SRD5A2: variants seen among roughly 807,000 people sequenced by gnomAD.
SRD5A2 encodes 3-oxo-5-alpha-steroid 4-dehydrogenase 2.
SRD5A2 carries 30 observed loss-of-function variants against 27.4 expected under a neutral mutation model. The ratio of observed to expected loss-of-function variants is 1.10; its 90% CI spans 0.82 to 1.49. SRD5A2 has a LOEUF of 1.49. Among genes scored for constraint, SRD5A2 ranks in the 40% most tolerant of loss-of-function variants. SRD5A2 has a pLI of 0.00. For synonymous variants in SRD5A2, 141 were observed against 133.6 expected (o/e 1.06, Z -0.38); for missense variants, 348 against 323.4 (o/e 1.08, Z -0.58).
At chr2:31,551,348 G>C (rs1176194912) in intron 1 of SRD5A2, among the ~76,000 whole-genome samples, 1 of 151,994 alleles carries the variant, frequency 6.6e-6, no homozygotes, top group South Asian at 2.1e-4. Context: ...ATTCTAAAAT[G>C]TACACATGCT....
chr2:31,543,319 T>A (rs1435811549), intron 1 of SRD5A2, among the ~76,000 whole-genome samples: 1 of 152,136 alleles, frequency 6.6e-6, no homozygotes, highest in African/African-American at 2.4e-5. Context: ...CAGGTTAAAA[T>A]GAAAGCATAC....
chr2:31,589,017 A>G, the SRD5A2 span, among the ~76,000 whole-genome samples: 2 of 152,168 alleles, frequency 1.3e-5, no homozygotes, highest in African/African-American at 4.8e-5. Flanking sequence ...TACTGTTGCA[A>G]ACTCTATGAG....
chr2:31,568,695 CCTGT>C (rs1316898545), intron 1 of SRD5A2, among the ~76,000 whole-genome samples: 3 of 152,194 alleles, frequency 2.0e-5, no homozygotes, highest in African/African-American at 7.2e-5. Context: ...CACCCAGGAG[CCTGT>C]CTGCCTCCTG....
intron 4 of SRD5A2, among the ~76,000 whole-genome samples, chr2:31,526,652 ACTATGGG>A (rs1462865844): frequency 6.6e-6 from 1 of 152,232 alleles, no homozygotes; most frequent in Non-Finnish European, 1.5e-5. Flanking sequence ...GGAACCAAAG[ACTATGGG>A]CAAAGAGAAC....
chr2:31,527,053 A>G (rs1665798203), intron 4 of SRD5A2: 1 of 152,210 alleles, frequency 6.6e-6, no homozygotes. Context: ...GAGGCAAGGA[A>G]GAATTCTTCC....
intron 1 of SRD5A2, among the ~76,000 whole-genome samples, chr2:31,545,731 G>T (rs746601298): frequency 5.3e-5 from 8 of 152,148 alleles, no homozygotes; most frequent in Non-Finnish European, 1.0e-4. Flanking sequence ...ACAAGGAAAA[G>T]AAATCAAAGA....
In SRD5A2 at chr2:31,577,589, A is replaced by G. The variant is rs568459424; in HGVS notation, c.281+3031T>C. On this transcript the variant is annotated intron_variant, in intron 1 of 4. Coordinates refer to ENST00000622030, the MANE Select transcript of SRD5A2 (RefSeq NM_000348.4). ...AGTTTTAACTTCTATTTGATGGGAC[A>G]TATTGCTGCTTTGAACAGTCCCCAA... Among the ~76,000 whole-genome samples, 6 of 152,328 alleles carry G rather than the reference A, an allele frequency of 3.9e-5. No homozygotes were observed. In the East Asian group the frequency reaches 1.2e-3, roughly 29 times the overall value.
chr2:31,599,278 G>A, the SRD5A2 span, among the ~76,000 whole-genome samples: 4 of 151,878 alleles, frequency 2.6e-5, no homozygotes, highest in Admixed American at 2.6e-4. Flanking sequence ...ACCAAGAAAT[G>A]TCAGACTTAA....
the SRD5A2 span, among the ~76,000 whole-genome samples, chr2:31,609,662 T>C: frequency 6.6e-6 from 1 of 152,096 alleles, no homozygotes; most frequent in African/African-American, 2.4e-5. Context: ...ACTATAAAAC[T>C]CTTAGAAGAA....
intron 1 of SRD5A2, among the ~76,000 whole-genome samples, chr2:31,542,394 C>T (rs1666146615): frequency 6.6e-6 from 1 of 152,098 alleles, no homozygotes; most frequent in African/African-American, 2.4e-5. Context: ...CACCTGTAGT[C>T]CTAGCTACTC....
At chr2:31,575,481 G>A (rs1020340717) in intron 1 of SRD5A2, among the ~76,000 whole-genome samples, 1 of 152,186 alleles carries the variant, frequency 6.6e-6, no homozygotes, top group Admixed American at 6.6e-5. Flanking sequence ...CCAAAGAACA[G>A]CATCACAACT....
chr2:31,615,566 T>A, the SRD5A2 span, among the ~76,000 whole-genome samples: 1 of 151,158 alleles, frequency 6.6e-6, no homozygotes, highest in Non-Finnish European at 1.5e-5. Flanking sequence ...ATTCAAGACA[T>A]GACTTGGTGC....
intron 3 of SRD5A2, among the ~76,000 whole-genome samples, chr2:31,530,455 C>T (rs548375681): frequency 6.6e-6 from 1 of 152,232 alleles, no homozygotes; most frequent in Admixed American, 6.5e-5. Flanking sequence ...AGCAAAGGGC[C>T]TATAAATTTT....
the SRD5A2 span, among the ~76,000 whole-genome samples, chr2:31,609,962 C>T: frequency 1.3e-5 from 2 of 151,950 alleles, no homozygotes; most frequent in African/African-American, 4.8e-5. Context: ...CCTGCCAAGA[C>T]TGAATCAGGA....
the SRD5A2 span, among the ~76,000 whole-genome samples, chr2:31,639,186 G>A: frequency 6.6e-6 from 1 of 151,942 alleles, no homozygotes; most frequent in African/African-American, 2.4e-5. Context: ...TAGAAACACA[G>A]GCAAAGACAA....
the SRD5A2 span, among the ~76,000 whole-genome samples, chr2:31,631,270 A>G: frequency 1.3e-5 from 2 of 152,170 alleles, no homozygotes; most frequent in African/African-American, 4.8e-5. Context: ...CCAGCAGCCC[A>G]GACCCCTTTC....
intron 1 of SRD5A2, among the ~76,000 whole-genome samples, chr2:31,563,662 T>A (rs1261186522): frequency 1.3e-5 from 2 of 152,120 alleles, no homozygotes; most frequent in African/African-American, 2.4e-5. Flanking sequence ...CACGGAGACC[T>A]GCAGAGAATT....
At chr2:31,590,964 A>C in the SRD5A2 span, among the ~76,000 whole-genome samples, 1 of 152,224 alleles carries the variant, frequency 6.6e-6, no homozygotes, top group Non-Finnish European at 1.5e-5. Context: ...TAAATGTTAG[A>C]CCTAAAACCA....
the SRD5A2 span, among the ~76,000 whole-genome samples, chr2:31,607,602 G>T: frequency 6.6e-6 from 1 of 151,858 alleles, no homozygotes; most frequent in Non-Finnish European, 1.5e-5. Context: ...AATATAAGAG[G>T]ATTCATAGTT....
Sources: allele counts gnomAD v4.1 joint callset (sites outside exome capture counted in the v4.1 genomes callset), GRCh38; gene constraint gnomAD v4.1.1; transcripts MANE v1.5; gene names NCBI Gene and HGNC (gene_info 2026-07-23, HGNC 2026-07-21).